Variants in PPP6R2 observed in about 807,000 individuals in gnomAD.
The protein encoded by PPP6R2 is serine/threonine-protein phosphatase 6 regulatory subunit 2.
A neutral mutation model predicts 100.2 loss-of-function variants in PPP6R2; 62 were observed. That is an observed-to-expected ratio of 0.62 (90% CI 0.50 to 0.76). PPP6R2 has a LOEUF of 0.76. PPP6R2 is among the 30% of genes least tolerant of loss of function. The pLI, the probability that PPP6R2 is intolerant of heterozygous loss-of-function variation, is 0.00. For missense variants in PPP6R2, 1,142 were observed against 1,276.3 expected, an observed-to-expected ratio of 0.89 and a Z score of 1.60; for synonymous variants, 525 against 514.7, an observed-to-expected ratio of 1.02 and a Z score of -0.27.
intron 3 of PPP6R2, among the ~76,000 whole-genome samples, chr22:50,395,148 C>T (rs528677482): frequency 6.6e-6 from 1 of 152,132 alleles, no homozygotes; most frequent in Non-Finnish European, 1.5e-5. Context: ...CAGTATCTGA[C>T]CTACAGTCCT....
chr22:50,403,482 C>G (rs1319338259), intron 3 of PPP6R2, among the ~76,000 whole-genome samples: 1 of 152,222 alleles, frequency 6.6e-6, no homozygotes, highest in Non-Finnish European at 1.5e-5. Flanking sequence ...GCCAGCCCCT[C>G]TGACATCCCA....
chr22:50,443,835 C>A, intron 22 of PPP6R2, 31 bp from the exon 23 acceptor site: 3 of 1,545,982 alleles, frequency 1.9e-6, no homozygotes, highest in Non-Finnish European at 2.6e-6. Context: ...GGTGGGGGTG[C>A]CCGTAACCGG....
chr22:50,356,078 T>G (rs920523182), intron 1 of PPP6R2, among the ~76,000 whole-genome samples: 50 of 151,440 alleles, frequency 3.3e-4, no homozygotes, highest in African/African-American at 1.0e-3. Flanking sequence ...TTCTCCTGCC[T>G]CAGCCTCCAG....
chr22:50,393,329 G>T (rs535014226), intron 2 of PPP6R2: 1 of 937,706 alleles, frequency 1.1e-6, no homozygotes. Context: ...AGGAGTGAGC[G>T]CAGGGTCAGG....
intron 8 of PPP6R2, among the ~76,000 whole-genome samples, chr22:50,421,460 T>TC (rs910374188): frequency 7.9e-5 from 12 of 152,072 alleles, no homozygotes; most frequent in Non-Finnish European, 1.8e-4. Flanking sequence ...CTCCCACCTG[T>TC]CCCCCCCAAA....
chr22:50,347,638 C>G (rs1337339616), intron 1 of PPP6R2, among the ~76,000 whole-genome samples: 3 of 152,134 alleles, frequency 2.0e-5, no homozygotes, highest in African/African-American at 7.2e-5. Flanking sequence ...CTGTCAGCAC[C>G]AGCTCCCCCA....
chr22:50,385,865 C>T (rs1450892322), intron 2 of PPP6R2, among the ~76,000 whole-genome samples: 10 of 129,278 alleles, frequency 7.7e-5, no homozygotes, highest in Admixed American at 8.4e-5. Context: ...GCTCTGTCTC[C>T]CAGGCTGGAG....
Position 50,423,638 on chromosome 22 carries a change from C to T in PPP6R2, c.1125+24C>T. 1.2e-6 allele frequency: 2 copies of T among 1,613,426 alleles called. No individual in the cohort carries two copies. The highest frequency in any genetic ancestry group is 1.7e-6 in the Non-Finnish European group (2 of 1,179,692). Reference sequence around the variant, plus strand: ...TGGTAAGTGGGCCCCTCAGCCAGCCCTGCATGTCTGTGAGTGTGCCGGGCA... The same window carrying T: ...TGGTAAGTGGGCCCCTCAGCCAGCCTTGCATGTCTGTGAGTGTGCCGGGCA... On this transcript the variant is annotated intron_variant, in intron 10 of 23. Coordinates refer to ENST00000612753, the MANE Select transcript of PPP6R2 (RefSeq NM_001242898.2). This position sits in a 1 kb window ranked among gnomAD's most constrained non-coding sequence, Gnocchi z 4.8.
At chr22:50,414,261 C>A (rs1186982772) in intron 4 of PPP6R2, among the ~76,000 whole-genome samples, 1 of 148,172 alleles carries the variant, frequency 6.7e-6, no homozygotes, top group Non-Finnish European at 1.5e-5. Flanking sequence ...CTGCTCACGG[C>A]AGCCTGTGCT....
At chr22:50,379,762 C>T (rs2052466872) in intron 2 of PPP6R2, among the ~76,000 whole-genome samples, 1 of 151,836 alleles carries the variant, frequency 6.6e-6, no homozygotes, top group South Asian at 2.1e-4. Flanking sequence ...TTCCTGTAGT[C>T]CCAGATACTT....
At chr22:50,393,576 G>A (rs1434059736) in intron 2 of PPP6R2, 2 of 979,406 alleles carry the variant, frequency 2.0e-6, no homozygotes, top group Non-Finnish European at 2.4e-6. Flanking sequence ...GGTTAGCCCA[G>A]AGGAGAACCT....
intron 7 of PPP6R2, 99 bp downstream of exon 7, chr22:50,419,078 C>T: frequency 1.0e-6 from 1 of 967,700 alleles, no homozygotes; most frequent in South Asian, 1.4e-5. Flanking sequence ...TTGCCACCTC[C>T]TCTGATTCAC....
At chr22:50,424,813 T>G (rs2061868356) in intron 10 of PPP6R2, among the ~76,000 whole-genome samples, 1 of 151,974 alleles carries the variant, frequency 6.6e-6, no homozygotes. Context: ...AATTTTTTTT[T>G]GTATTTTTAG....
intron 1 of PPP6R2, among the ~76,000 whole-genome samples, chr22:50,364,141 C>T (rs1265431577): frequency 6.6e-6 from 1 of 152,030 alleles, no homozygotes; most frequent in Non-Finnish European, 1.5e-5. Context: ...AGGTGATCTG[C>T]CCACCTCGGC....
chr22:50,341,602 A>G (rs1024934064), upstream of PPP6R2, among the ~76,000 whole-genome samples: 14 of 152,214 alleles, frequency 9.2e-5, no homozygotes, highest in Non-Finnish European at 1.9e-4. Context: ...GGGCCCCTGT[A>G]GGTCTCAGGA....
intron 7 of PPP6R2, 21 bp downstream of exon 7, chr22:50,419,000 G>C: frequency 6.3e-7 from 1 of 1,580,436 alleles, no homozygotes; most frequent in Non-Finnish European, 8.7e-7. Flanking sequence ...GTGGGCCGTG[G>C]TGCTGGTGGG....
chr22:50,433,296 A>G (rs1411004971), intron 12 of PPP6R2, among the ~76,000 whole-genome samples: 34 of 63,172 alleles, frequency 5.4e-4, no homozygotes, highest in Admixed American at 1.9e-3. Context: ...GGCCGGGGGC[A>G]TGGATGCTGG....
At chr22:50,440,098 C>T (rs1233442373) in intron 21 of PPP6R2, 49 bp downstream of exon 21, 1 of 1,510,100 alleles carries the variant, frequency 6.6e-7, no homozygotes, top group Non-Finnish European at 9.1e-7. Flanking sequence ...AGTTTAAGGC[C>T]TGAGGCCAGC....
chr22:50,438,896 G>C (rs2064983278), intron 19 of PPP6R2, 134 bp downstream of exon 19: 3 of 981,450 alleles, frequency 3.1e-6, no homozygotes, highest in Non-Finnish European at 4.4e-6. Context: ...TGAATCCCCA[G>C]CTATTTCCCA....
Sources: gnomAD v4.1 joint callset for allele counts (sites outside exome capture counted in the v4.1 genomes callset) on GRCh38, gnomAD v4.1.1 for gene constraint, Gnocchi (gnomAD v3.1) non-coding constraint, MANE v1.5 for transcripts, NCBI Gene and HGNC (gene_info 2026-07-23, HGNC 2026-07-21) for gene names.